Variants in CCDC3 observed in about 807,000 individuals in gnomAD.
CCDC3 encodes the protein coiled-coil domain-containing protein 3.
CCDC3 carries 24 observed loss-of-function variants against 21.4 expected under a neutral mutation model. The ratio of observed to expected loss-of-function variants is 1.12; its 90% confidence interval spans 0.81 to 1.58. The LOEUF is 1.58. Ranked by LOEUF, CCDC3 falls within the 40% of genes most tolerant of loss-of-function variation. The pLI is 0.00. For missense variants in CCDC3, 425 were observed against 360.9 expected, an observed-to-expected ratio of 1.18 and a Z score of -1.44; for synonymous variants, 186 against 166.0, an observed-to-expected ratio of 1.12 and a Z score of -0.93.
At chr10:13,010,259 A>C (rs1333327686) in intron 5 of CCDC3, among the ~76,000 whole-genome samples, 1 of 152,156 alleles carries the variant, frequency 6.6e-6, no homozygotes, top group Non-Finnish European at 1.5e-5. Context: ...AAAAAACAAA[A>C]AAACAAAAAA....
Position 12,898,355 on chromosome 10 carries a change from C to G in CCDC3, c.*61G>C. 1 of 1,484,954 alleles carries G rather than the reference C, an allele frequency of 6.7e-7. No individual in the cohort carries two copies. The highest frequency in any genetic ancestry group is 9.1e-7 in the Non-Finnish European group (1 of 1,104,612). The allele number at this position is 1,484,954 out of a possible 1,614,324, so 92.0% of individuals were successfully genotyped here. A position where few individuals can be genotyped will look rare whatever the true frequency, so the allele number is the denominator to read the frequency against. ...CCTTGAAATAGCTGCATGTACGAAA[C>G]CTCACTCATTCTCAATTACCGTCAG... is the stretch of plus-strand genomic sequence containing the variant. On this transcript the variant is annotated 3_prime_UTR_variant, in exon 3 of 3. Transcript: ENST00000378825.
chr10:12,997,325 T>C (rs188525680), intron 2 of CCDC3, among the ~76,000 whole-genome samples: 2 of 151,802 alleles, frequency 1.3e-5, no homozygotes, highest in Admixed American at 1.3e-4. Flanking sequence ...GCCCTAAAAA[T>C]GTCTTCAATC....
chr10:12,899,995 C>T (rs182701924), intron 2 of CCDC3, among the ~76,000 whole-genome samples: 14 of 152,234 alleles, frequency 9.2e-5, no homozygotes, highest in Middle Eastern at 3.4e-3. Context: ...TTTTCCTGTG[C>T]TGTTCTTCTA....
At chr10:12,914,595 C>T (rs1406326327) in intron 2 of CCDC3, among the ~76,000 whole-genome samples, 1 of 152,044 alleles carries the variant, frequency 6.6e-6, no homozygotes, top group Non-Finnish European at 1.5e-5. Flanking sequence ...CAGGCATACA[C>T]CACCATGCCT....
chr10:13,087,003 G>T (rs2131451866), intron 3 of CCDC3, among the ~76,000 whole-genome samples: 1 of 152,276 alleles, frequency 6.6e-6, no homozygotes, highest in Middle Eastern at 3.4e-3. Context: ...TTCAAACCTG[G>T]CACAGACACA....
intron 5 of CCDC3, among the ~76,000 whole-genome samples, chr10:13,015,963 AAC>A (rs1382188205): frequency 6.6e-6 from 1 of 152,118 alleles, no homozygotes; most frequent in African/African-American, 2.4e-5. Flanking sequence ...GATTATTCAA[AAC>A]ACAAAGGATA....
At chr10:13,097,825 AC>A (rs2131459792) in intron 3 of CCDC3, among the ~76,000 whole-genome samples, 1 of 152,330 alleles carries the variant, frequency 6.6e-6, no homozygotes, top group African/African-American at 2.4e-5. Context: ...ATCACATAAC[AC>A]CCTGACACTG....
At chr10:13,037,223 G>A (rs984917394) in intron 5 of CCDC3, among the ~76,000 whole-genome samples, 10 of 151,350 alleles carry the variant, frequency 6.6e-5, no homozygotes, top group African/African-American at 2.4e-4. Flanking sequence ...AATTATCAAC[G>A]TTTTATCACA....
At chr10:13,054,053 G>T (rs1404041758) in intron 4 of CCDC3, among the ~76,000 whole-genome samples, 1 of 151,222 alleles carries the variant, frequency 6.6e-6, no homozygotes, top group Non-Finnish European at 1.5e-5. Flanking sequence ...GCTGAGACAG[G>T]GGAATTGCTT....
intron 3 of CCDC3, among the ~76,000 whole-genome samples, chr10:13,092,681 G>T (rs1382064386): frequency 6.6e-6 from 1 of 152,234 alleles, no homozygotes; most frequent in African/African-American, 2.4e-5. Context: ...TAACACAGGG[G>T]TGACCAGTTG....
chr10:13,053,427 A>T (rs912048576), intron 4 of CCDC3, among the ~76,000 whole-genome samples: 2 of 151,914 alleles, frequency 1.3e-5, no homozygotes, highest in South Asian at 2.1e-4. Context: ...AAATTTAGCC[A>T]AGTGTGGTGG....
chr10:13,096,529 C>T (rs932666213), intron 3 of CCDC3, among the ~76,000 whole-genome samples: 1 of 152,072 alleles, frequency 6.6e-6, no homozygotes, highest in African/African-American at 2.4e-5. Context: ...TTTTCGGGCA[C>T]CACTGGGGTC....
intron 3 of CCDC3, among the ~76,000 whole-genome samples, chr10:13,085,331 G>A (rs1282093601): frequency 4.6e-5 from 7 of 152,190 alleles, no homozygotes; most frequent in Non-Finnish European, 1.0e-4. Flanking sequence ...ATGACTCAGT[G>A]TCCCCATGCC....
chr10:12,916,681 C>T (rs1052676467), intron 2 of CCDC3, among the ~76,000 whole-genome samples: 4 of 152,064 alleles, frequency 2.6e-5, no homozygotes, highest in African/African-American at 9.6e-5. Flanking sequence ...ATGGCGGGCT[C>T]AAAGCCTGGA....
Position 13,013,958 on chromosome 10 carries a change from C to T in CCDC3, c.-1-15446G>A, listed in dbSNP as rs549642496. ...TTGAGGTCAGGAGCTTGAGACCAGC[C>T]TGGCCAACATGGCGAAACCCCATCT... is the stretch of plus-strand genomic sequence containing the variant. On this transcript the variant is annotated intron_variant, in intron 5 of 6. Transcript: ENST00000378839. Among the ~76,000 whole-genome samples, 3 of 151,914 alleles carry T rather than the reference C, an allele frequency of 2.0e-5. No individual in the cohort carries two copies. In the South Asian group the frequency reaches 6.3e-4, roughly 32 times the overall value.
rs577078713 is a variant in CCDC3, at chr10:13,037,295, G to GT, written c.-2+12378dup. Among the ~76,000 whole-genome samples the GT allele has an allele frequency of 4.1e-3, 626 of 151,968 alleles. 23 individuals carry two copies. In the South Asian group the frequency reaches 0.063, roughly 15 times the overall value. On this transcript the variant is annotated intron_variant, in intron 5 of 6. Transcript: ENST00000378839. ...TTTTAAAACAAATCCAAGTTTTCAA[G>GT]TTTTTTTTAAATTAAATACTTCATT...
chr10:13,058,658 C>T (rs1446481939), intron 4 of CCDC3: 1 of 530,528 alleles, frequency 1.9e-6, no homozygotes, highest in Non-Finnish European at 3.4e-6. Flanking sequence ...TTATTTTTAA[C>T]AACTTTAACA....
intron 3 of CCDC3, among the ~76,000 whole-genome samples, chr10:13,075,324 C>T (rs1836949564): frequency 6.6e-6 from 1 of 152,196 alleles, no homozygotes; most frequent in Non-Finnish European, 1.5e-5. Flanking sequence ...CATGTAGGAG[C>T]TCCAAAATCA....
intron 2 of CCDC3, among the ~76,000 whole-genome samples, chr10:12,979,767 G>T (rs566180085): frequency 5.3e-5 from 8 of 152,040 alleles, no homozygotes; most frequent in Non-Finnish European, 1.0e-4. Flanking sequence ...TAAATAAACC[G>T]CTACTGACTG....
Sources: gnomAD v4.1 joint callset for allele counts (sites outside exome capture counted in the v4.1 genomes callset) on GRCh38, gnomAD v4.1.1 for gene constraint, MANE v1.5 for transcripts, NCBI Gene and HGNC (gene_info 2026-07-23, HGNC 2026-07-21) for gene names.